SPPL3: variants seen among roughly 807,000 people sequenced by gnomAD.
SPPL3 encodes signal peptide peptidase like 3.
Under a neutral mutation model 42.4 loss-of-function variants are expected in SPPL3, and 5 were observed. That is an observed-to-expected ratio of 0.12 (90% CI 0.06 to 0.25). SPPL3 has a LOEUF of 0.25. Ranked by LOEUF, SPPL3 falls within the 10% of genes least tolerant of loss-of-function variation. SPPL3 has a pLI of 1.00. For missense variants in SPPL3, 235 were observed against 489.0 expected, an observed-to-expected ratio of 0.48 and a Z score of 4.90; for synonymous variants, 195 against 181.8, an observed-to-expected ratio of 1.07 and a Z score of -0.58.
At chr12:120,765,799 T>C (rs1279509703) in intron 10 of SPPL3, among the ~76,000 whole-genome samples, 1 of 152,242 alleles carries the variant, frequency 6.6e-6, no homozygotes, top group Non-Finnish European at 1.5e-5. Context: ...CTTCCTCATC[T>C]GTAAAACGGG....
At chr12:120,841,609 CATTAA>C (rs915119483) in intron 1 of SPPL3, among the ~76,000 whole-genome samples, 26 of 152,152 alleles carry the variant, frequency 1.7e-4, no homozygotes, top group African/African-American at 6.3e-4. Context: ...ATCTGAATTA[CATTAA>C]ATTACTTGAC....
chr12:120,890,919 T>A (rs1006634224), intron 1 of SPPL3, among the ~76,000 whole-genome samples: 13 of 152,194 alleles, frequency 8.5e-5, no homozygotes, highest in African/African-American at 2.9e-4. Context: ...AAGCTAAGAC[T>A]ATCTATCCTA....
Position 120,810,895 on chromosome 12 carries a change from A to G in SPPL3, c.24-9T>C. On this transcript the variant is annotated splice_polypyrimidine_tract_variant and intron_variant, in intron 1 of 10. Transcript: ENST00000353487. ...CCACCAGGGAATAGGCCCTAGAGAAATAAGAGGAAAAAAATTTAAATCACA... is the reference window on the plus strand; with the variant it reads ...CCACCAGGGAATAGGCCCTAGAGAAGTAAGAGGAAAAAAATTTAAATCACA... The G allele has an allele frequency of 6.2e-7, 1 of 1,608,796 alleles. No homozygotes were observed. The highest frequency in any genetic ancestry group is 8.5e-7 in the Non-Finnish European group (1 of 1,175,462).
At chr12:120,897,667 G>A (rs1290027135) in intron 1 of SPPL3, among the ~76,000 whole-genome samples, 1 of 152,160 alleles carries the variant, frequency 6.6e-6, no homozygotes, top group Admixed American at 6.5e-5. Flanking sequence ...AGGTTGCAGT[G>A]AGCCGAGATC....
chr12:120,811,219 A>G (rs1870674529), intron 1 of SPPL3: 1 of 146,758 alleles, frequency 6.8e-6, no homozygotes, highest in Admixed American at 6.8e-5. Context: ...CCAATGGCAA[A>G]AGTCTCAATA....
intron 1 of SPPL3, among the ~76,000 whole-genome samples, chr12:120,854,580 T>C (rs1442316465): frequency 6.6e-6 from 1 of 152,124 alleles, no homozygotes; most frequent in Admixed American, 6.6e-5. Flanking sequence ...CAAAGCCAAA[T>C]ACATGTTAAA....
At chr12:120,902,783 C>A (rs147170362) in intron 1 of SPPL3, among the ~76,000 whole-genome samples, 13 of 152,256 alleles carry the variant, frequency 8.5e-5, no homozygotes, top group African/African-American at 2.9e-4. Flanking sequence ...GCAATCAGGT[C>A]CCCCACTCCT....
intron 1 of SPPL3, among the ~76,000 whole-genome samples, chr12:120,888,921 T>C (rs897681586): frequency 6.6e-6 from 1 of 152,106 alleles, no homozygotes; most frequent in African/African-American, 2.4e-5. Context: ...GCGATTCTCC[T>C]GCCTCAGCCT....
At position 120,904,266 on chromosome 12, in the gene SPPL3, C is replaced by G. The variant is rs1172819937; in HGVS notation, c.-399G>C. 7 of 170,714 alleles carry G rather than the reference C, an allele frequency of 4.1e-5. No homozygotes were observed. The highest frequency in any genetic ancestry group is 9.8e-5 in the African/African-American group (4 of 40,822). 10.6% of individuals were successfully genotyped at this position (170,714 alleles called of 1,614,324 possible). ...CGCGCTCGGGCGGCGGCGGCGGCGG[C>G]CGGGGGACATGGCCGGCGGGCGGAG... On this transcript the variant is annotated 5_prime_UTR_variant, in exon 1 of 11. Transcript: ENST00000353487.
intron 6 of SPPL3, chr12:120,770,175 G>A (rs890468752): frequency 6.6e-6 from 1 of 151,980 alleles, no homozygotes; most frequent in Non-Finnish European, 1.5e-5. Flanking sequence ...TGAGTAGCTG[G>A]GACCACCGGC....
intron 1 of SPPL3, among the ~76,000 whole-genome samples, chr12:120,876,106 A>C (rs1223460688): frequency 1.3e-5 from 2 of 151,874 alleles, no homozygotes; most frequent in African/African-American, 4.8e-5. Context: ...CAGAATATAC[A>C]TTATTTTCAA....
chr12:120,884,518 G>A (rs1360620353), intron 1 of SPPL3, among the ~76,000 whole-genome samples: 11 of 146,908 alleles, frequency 7.5e-5, no homozygotes, highest in Admixed American at 6.2e-4. Flanking sequence ...ACTTCTATTT[G>A]GGATTTCTGG....
intron 4 of SPPL3, 122 bp downstream of exon 4, chr12:120,784,352 G>T: frequency 1.8e-6 from 2 of 1,094,926 alleles, no homozygotes; most frequent in Non-Finnish European, 2.5e-6. Flanking sequence ...AGAAGGCGAA[G>T]CCAAGATTTA....
intron 1 of SPPL3, among the ~76,000 whole-genome samples, chr12:120,868,758 G>A (rs1872838288): frequency 6.6e-6 from 1 of 152,156 alleles, no homozygotes; most frequent in Admixed American, 6.5e-5. Context: ...GAGATTACAG[G>A]GGTAAGCCAC....
At chr12:120,897,137 C>T (rs1458343462) in intron 1 of SPPL3, among the ~76,000 whole-genome samples, 1 of 152,092 alleles carries the variant, frequency 6.6e-6, no homozygotes, top group East Asian at 1.9e-4. Context: ...TATAGAATGA[C>T]ACATCACAAT....
At chr12:120,847,175 A>C (rs1407454852) in intron 1 of SPPL3, among the ~76,000 whole-genome samples, 1 of 152,228 alleles carries the variant, frequency 6.6e-6, no homozygotes, top group Non-Finnish European at 1.5e-5. Context: ...TTCAAACAAA[A>C]TAAACCAGAA....
At chr12:120,899,940 T>TGCTTCACA (rs1873924030) in intron 1 of SPPL3, among the ~76,000 whole-genome samples, 1 of 132,082 alleles carries the variant, frequency 7.6e-6, no homozygotes, top group Admixed American at 7.7e-5. Context: ...GGTCAGAAAA[T>TGCTTCACA]GCTTCACAGC....
rs1871265004 is a variant in SPPL3 at position 120,827,510 on chromosome 12, G to A, written c.24-16624C>T. 2.0e-5 allele frequency among the ~76,000 whole-genome samples: 3 copies of A among 152,056 alleles called. No individual in the cohort carries two copies. The South Asian group carries it at 6.2e-4, about 31-fold the overall frequency. The stretch of plus-strand genomic sequence containing the variant: ...TTCCACTATCAGCTTTAGAGATGAG[G>A]ATACTGAAGCAGAGAGATGAACTAG... On this transcript the variant is annotated intron_variant, in intron 1 of 10. Coordinates refer to ENST00000353487, the MANE Select transcript of SPPL3 (RefSeq NM_139015.5).
At chr12:120,838,497 G>A (rs919527208) in intron 1 of SPPL3, among the ~76,000 whole-genome samples, 1 of 152,170 alleles carries the variant, frequency 6.6e-6, no homozygotes. Context: ...TCCTGGGAAC[G>A]CTGTCCTAGT....
Sources: gnomAD v4.1 joint callset for allele counts (sites outside exome capture counted in the v4.1 genomes callset) on GRCh38, gnomAD v4.1.1 for gene constraint, MANE v1.5 for transcripts, NCBI Gene and HGNC (gene_info 2026-07-23, HGNC 2026-07-21) for gene names.